The following CCDC91 variants were observed in gnomAD, a reference collection of about 807,000 sequenced individuals.
The protein encoded by CCDC91 is coiled-coil domain containing 91.
CCDC91 carries 48 observed loss-of-function variants against 63.2 expected under a neutral mutation model. The observed-to-expected ratio is 0.76, with a 90% confidence interval of 0.60 to 0.97. CCDC91 has a LOEUF of 0.97. CCDC91 is among the 50% of genes least tolerant of loss of function. CCDC91 has a pLI of 0.00. For missense variants in CCDC91, 500 were observed against 494.6 expected, an observed-to-expected ratio of 1.01 and a Z score of -0.10; for synonymous variants, 167 against 165.8, an observed-to-expected ratio of 1.01 and a Z score of -0.06.
chr12:28,441,004 G>C (rs1949159098), intron 8 of CCDC91, among the ~76,000 whole-genome samples: 1 of 122,656 alleles, frequency 8.2e-6, no homozygotes, highest in African/African-American at 3.1e-5. Flanking sequence ...GTTGCAGTGA[G>C]CCAAGATCGT....
In CCDC91 at chr12:28,527,639, G is replaced by C. The variant is rs567252394; in HGVS notation, c.1216-21424G>C. 6.6e-5 allele frequency among the ~76,000 whole-genome samples: 10 copies of C among 152,174 alleles called. No individual in the cohort carries two copies. In the East Asian group the frequency reaches 1.7e-3, roughly 27 times the overall value. On this transcript the variant is annotated intron_variant, in intron 12 of 12. Coordinates refer to ENST00000536442, the MANE Select transcript of CCDC91 (RefSeq NM_018318.5). The stretch of plus-strand genomic sequence containing the variant: ...ATGGGAGTATGGGGGGGGAACATTT[G>C]GTAGGTGGGGCCCCATAACTCCCAA...
intron 11 of CCDC91, among the ~76,000 whole-genome samples, chr12:28,460,332 T>TC (rs1035085944): frequency 1.3e-5 from 2 of 152,146 alleles, no homozygotes; most frequent in Non-Finnish European, 2.9e-5. Context: ...CTGCTTTTTT[T>TC]CCCCTCAAGT....
rs140532634 is a variant in CCDC91, at chr12:28,291,835, C to T, written c.110-13814C>T. Among the ~76,000 whole-genome samples, 9 of 152,208 alleles carry T rather than the reference C, an allele frequency of 5.9e-5. No homozygotes were observed. The East Asian group carries it at 1.2e-3, about 20-fold the overall frequency. Reference sequence around the variant, plus strand: ...TGCTAAATGACTGTAGAATGGTCAACGTTGAGTTCTTTGGCAACCTCTTGT... The same window carrying T: ...TGCTAAATGACTGTAGAATGGTCAATGTTGAGTTCTTTGGCAACCTCTTGT... On this transcript the variant is annotated intron_variant, in intron 3 of 12. Transcript: ENST00000536442.
At chr12:28,407,958 A>T (rs1912783) in intron 8 of CCDC91, among the ~76,000 whole-genome samples, 6,783 of 104,944 alleles carry the variant, frequency 0.065, 485 homozygotes, top group East Asian at 0.47. Context: ...ATACATATAT[A>T]TATATATTTT....
Position 28,305,723 on chromosome 12 carries a change from C to G in CCDC91, c.184C>G (p.Leu62Val), listed in dbSNP as rs2137078363. The change falls in exon 4 of 13, where the codon CTC becomes GTC. Residue 62 changes from leucine to valine, a missense_variant. By Grantham distance (32) the Leu-to-Val change is conservative. Coordinates refer to ENST00000536442, the MANE Select transcript of CCDC91 (RefSeq NM_018318.5). ...TGACCACTCTTCTTCCATTGGCTGC[C>G]TCTCTTCTGATGCCATTATTTCATC... ...DRDHSSSIGC[L>V]SSDAIISSPE... 6.2e-7 allele frequency: 1 copy of G among 1,613,232 alleles called. No individual in the cohort carries two copies. The highest frequency in any genetic ancestry group is 2.2e-5 in the East Asian group (1 of 44,832).
intron 11 of CCDC91, among the ~76,000 whole-genome samples, chr12:28,471,617 C>CA (rs1427194814): frequency 6.6e-6 from 1 of 152,104 alleles, no homozygotes; most frequent in African/African-American, 2.4e-5. Flanking sequence ...TCCAAGAAGA[C>CA]AAACAGAATG....
intron 3 of CCDC91, among the ~76,000 whole-genome samples, chr12:28,285,223 T>G (rs905641257): frequency 2.0e-5 from 3 of 152,182 alleles, no homozygotes; most frequent in Admixed American, 2.0e-4. Flanking sequence ...GAGAAGTTTT[T>G]CAGAGTTTCT....
At chr12:28,488,905 A>C (rs1019038325) in intron 12 of CCDC91, among the ~76,000 whole-genome samples, 3 of 151,948 alleles carry the variant, frequency 2.0e-5, no homozygotes, top group African/African-American at 7.2e-5. Flanking sequence ...CAGAAGTTGC[A>C]AACTGCAACT....
intron 1 of CCDC91, among the ~76,000 whole-genome samples, chr12:28,244,404 A>T (rs77350383): frequency 0.025 from 3,785 of 151,174 alleles, 78 homozygotes; most frequent in South Asian, 0.042. Flanking sequence ...TTATTGCTGT[A>T]TAACAAATCC....
intron 12 of CCDC91, among the ~76,000 whole-genome samples, chr12:28,546,754 A>G (rs1187808926): frequency 1.3e-5 from 2 of 152,216 alleles, no homozygotes; most frequent in South Asian, 2.1e-4. Flanking sequence ...GGAAAAAAAA[A>G]CAAGAGACAC....
chr12:28,325,501 G>A (rs1396540560), intron 6 of CCDC91, among the ~76,000 whole-genome samples: 2 of 151,654 alleles, frequency 1.3e-5, no homozygotes, highest in East Asian at 3.9e-4. Context: ...ATAAAAATAA[G>A]TTAATTATAA....
At chr12:28,194,632 G>A (rs1042987888) in intron 1 of CCDC91, among the ~76,000 whole-genome samples, 7 of 150,242 alleles carry the variant, frequency 4.7e-5, no homozygotes, top group African/African-American at 2.5e-5. Context: ...AGCTGCATCC[G>A]AAATTGTTCA....
intron 11 of CCDC91, among the ~76,000 whole-genome samples, chr12:28,482,494 G>A (rs762808684): frequency 2.0e-5 from 3 of 151,906 alleles, no homozygotes; most frequent in Admixed American, 2.0e-4. Flanking sequence ...ATATTAAAGT[G>A]ATAGATGATA....
rs565027613 is a variant in CCDC91, at chr12:28,271,221, CAGAG to C, written c.109+11782_109+11785del. On this transcript the variant is annotated intron_variant, in intron 3 of 12. Transcript: ENST00000536442. ...GCTTTACAGCAGAGACAGAGGGAAA[CAGAG>C]AGCATGTTTTCAAGTGTTAACTTTT... Among the ~76,000 whole-genome samples, 364 of 152,208 alleles carry C rather than the reference CAGAG, an allele frequency of 2.4e-3. 1 individual carries two copies. Among genetic ancestry groups the C allele is most frequent in the African/African-American group, 8.3e-3 (346 of 41,562 alleles).
chr12:28,438,593 A>C (rs1200749996), intron 8 of CCDC91, among the ~76,000 whole-genome samples: 1 of 152,170 alleles, frequency 6.6e-6, no homozygotes, highest in Admixed American at 6.6e-5. Context: ...ATTTATTTCA[A>C]ATGCCCATTT....
At chr12:28,345,892 T>C (rs1186405551) in intron 6 of CCDC91, among the ~76,000 whole-genome samples, 1 of 152,210 alleles carries the variant, frequency 6.6e-6, no homozygotes, top group African/African-American at 2.4e-5. Flanking sequence ...AGTATAATGG[T>C]TATGTCAGTG....
At chr12:28,394,116 C>T (rs76605510) in intron 8 of CCDC91, among the ~76,000 whole-genome samples, 1 of 152,094 alleles carries the variant, frequency 6.6e-6, no homozygotes, top group African/African-American at 2.4e-5. Context: ...GAAGAACACC[C>T]CAGGACGTTT....
intron 12 of CCDC91, among the ~76,000 whole-genome samples, chr12:28,534,721 A>G (rs547081063): frequency 1.3e-5 from 2 of 152,186 alleles, no homozygotes; most frequent in Non-Finnish European, 2.9e-5. Context: ...TTTTAGACTA[A>G]TCCATGAACT....
intron 8 of CCDC91, among the ~76,000 whole-genome samples, chr12:28,426,209 T>C (rs1422412248): frequency 1.3e-5 from 2 of 152,234 alleles, no homozygotes; most frequent in African/African-American, 4.8e-5. Context: ...TTAGATACTT[T>C]GGATCTCTGG....
Sources: allele counts gnomAD v4.1 joint callset (sites outside exome capture counted in the v4.1 genomes callset), GRCh38; gene constraint gnomAD v4.1.1; transcripts MANE v1.5; gene names NCBI Gene and HGNC (gene_info 2026-07-23, HGNC 2026-07-21).